Variants in RIMS2 observed in about 807,000 individuals in gnomAD.
RIMS2 encodes regulating synaptic membrane exocytosis 2, also known as regulating synaptic membrane exocytosis protein 2.
A neutral mutation model predicts 174.4 loss-of-function variants in RIMS2; 59 were observed. The ratio of observed to expected loss-of-function variants is 0.34; its 90% CI spans 0.27 to 0.42. RIMS2 has a LOEUF of 0.42. Among genes scored for constraint, RIMS2 ranks in the 10% least tolerant of loss-of-function variants. The pLI, the probability that RIMS2 is intolerant of heterozygous loss-of-function variation, is 1.00. For missense variants in RIMS2, 1,620 were observed against 1,666.3 expected, an observed-to-expected ratio of 0.97 and a Z score of 0.48; for synonymous variants, 606 against 572.5, an observed-to-expected ratio of 1.06 and a Z score of -0.84.
chr8:104,035,577 T>C (rs957642306), intron 19 of RIMS2, among the ~76,000 whole-genome samples: 1 of 151,986 alleles, frequency 6.6e-6, no homozygotes, highest in East Asian at 1.9e-4. Flanking sequence ...AAAGTAAATA[T>C]TCAATTAAGT....
chr8:104,241,391 T>G (rs2099293529), intron 19 of RIMS2, among the ~76,000 whole-genome samples: 1 of 152,164 alleles, frequency 6.6e-6, no homozygotes. Flanking sequence ...AAGCAACCTG[T>G]AAACAAAAAA....
At chr8:104,187,138 G>A (rs1332376011) in intron 19 of RIMS2, among the ~76,000 whole-genome samples, 2 of 151,780 alleles carry the variant, frequency 1.3e-5, no homozygotes, top group African/African-American at 2.4e-5. Flanking sequence ...TTTTGGAGAT[G>A]AGGTAATCTA....
intron 1 of RIMS2, among the ~76,000 whole-genome samples, chr8:103,577,788 G>T (rs944080993): frequency 6.6e-6 from 1 of 152,078 alleles, no homozygotes; most frequent in Non-Finnish European, 1.5e-5. Flanking sequence ...AGAAACCTTG[G>T]ACCTGAGAAA....
intron 19 of RIMS2, among the ~76,000 whole-genome samples, chr8:104,076,248 T>G (rs2154562342): frequency 6.6e-6 from 1 of 152,288 alleles, no homozygotes; most frequent in South Asian, 2.1e-4. Flanking sequence ...AGAGTCATAG[T>G]TCAGAATGAA....
intron 1 of RIMS2, among the ~76,000 whole-genome samples, chr8:103,681,868 T>C (rs2096884430): frequency 1.3e-5 from 2 of 152,016 alleles, no homozygotes. Flanking sequence ...TTCTCTAGAT[T>C]AGGTGGGAAT....
rs1262717197 is a variant in RIMS2 at position 103,608,286 on chromosome 8, G to A, written c.177-88800G>A. On this transcript the variant is annotated intron_variant, in intron 1 of 23. Coordinates refer to ENST00000504942, the Ensembl canonical transcript of RIMS2. ...TGAGGTGTCAATCTGCCCCTGCTGG[G>A]GGGTGCCTCCCAGTTAGGCTGCTCG... 1.4e-5 allele frequency among the ~76,000 whole-genome samples: 2 copies of A among 143,362 alleles called. 1 individual carries two copies. The highest frequency in any genetic ancestry group is 4.3e-4 in the South Asian group (2 of 4,680). The allele number at this position is 143,362 out of a possible 152,430, so 94.1% of individuals were successfully genotyped here. A position where few individuals can be genotyped will look rare whatever the true frequency, so the allele number is the denominator to read the frequency against.
chr8:104,146,213 A>AAAAC, intron 19 of RIMS2, among the ~76,000 whole-genome samples: 1 of 149,438 alleles, frequency 6.7e-6, no homozygotes, highest in Non-Finnish European at 1.5e-5. Flanking sequence ...CCAAAAAAAA[A>AAAAC]AAAAAAAAAA....
chr8:103,892,124 T>G (rs982534955), intron 4 of RIMS2, among the ~76,000 whole-genome samples: 1 of 152,004 alleles, frequency 6.6e-6, no homozygotes, highest in African/African-American at 2.4e-5. Flanking sequence ...ATCTAAGGAA[T>G]TCTAAACCAA....
intron 2 of RIMS2, among the ~76,000 whole-genome samples, chr8:103,742,864 G>C (rs2097774365): frequency 6.6e-6 from 1 of 152,120 alleles, no homozygotes; most frequent in Admixed American, 6.5e-5. Context: ...TTATATATCT[G>C]AGGACATTAT....
At chr8:103,734,123 C>T (rs28697136) in intron 2 of RIMS2, among the ~76,000 whole-genome samples, 1,732 of 146,476 alleles carry the variant, frequency 0.012, 31 homozygotes, top group African/African-American at 0.04. Flanking sequence ...ATCAATTCTC[C>T]TCCCTCAGCC....
At chr8:103,606,960 G>A (rs1278386245) in intron 1 of RIMS2, among the ~76,000 whole-genome samples, 2 of 151,900 alleles carry the variant, frequency 1.3e-5, no homozygotes, top group Non-Finnish European at 2.9e-5. Flanking sequence ...TATCCAATTT[G>A]CCAGTCTGTG....
intron 2 of RIMS2, among the ~76,000 whole-genome samples, chr8:103,764,530 A>G (rs761415131): frequency 7.9e-5 from 12 of 152,142 alleles, no homozygotes; most frequent in Non-Finnish European, 1.5e-4. Context: ...TCATTTTTTG[A>G]GACTGTTGAT....
chr8:103,553,437 G>T (rs1401429353), intron 1 of RIMS2, among the ~76,000 whole-genome samples: 1 of 151,926 alleles, frequency 6.6e-6, no homozygotes, highest in South Asian at 2.1e-4. Context: ...CAAACACTGG[G>T]ACCTGTCATG....
At chr8:103,603,786 T>G (rs1251170194) in intron 1 of RIMS2, among the ~76,000 whole-genome samples, 2 of 149,182 alleles carry the variant, frequency 1.3e-5, no homozygotes, top group Non-Finnish European at 3.0e-5. Context: ...TTTGGCTGCA[T>G]AAATGTCTTC....
rs570210310 is a variant in RIMS2, at chr8:103,581,779, C to T, written c.176+80717C>T. 2.0e-5 allele frequency among the ~76,000 whole-genome samples: 3 copies of T among 152,236 alleles called. No homozygotes were observed. The South Asian group carries it at 6.2e-4, about 32-fold the overall frequency. ...GATAGAAGCCTCCACCAATCATCTCCCCCATAAGGATACCTCACCACCAAA... is the reference window on the plus strand; with the variant it reads ...GATAGAAGCCTCCACCAATCATCTCTCCCATAAGGATACCTCACCACCAAA... On this transcript the variant is annotated intron_variant, in intron 1 of 23. Transcript: ENST00000504942.
At chr8:103,874,078 T>C (rs2099124519) in intron 3 of RIMS2, among the ~76,000 whole-genome samples, 1 of 152,092 alleles carries the variant, frequency 6.6e-6, no homozygotes, top group South Asian at 2.1e-4. Context: ...ACCTAATTTC[T>C]TTATTTCTAT....
intron 19 of RIMS2, among the ~76,000 whole-genome samples, chr8:104,077,910 A>G (rs192170348): frequency 1.7e-4 from 26 of 151,968 alleles, no homozygotes; most frequent in Non-Finnish European, 2.8e-4. Flanking sequence ...CGGGAGGCCA[A>G]GGCAGGTGGA....
chr8:103,876,122 T>C (rs2099135479), intron 3 of RIMS2, among the ~76,000 whole-genome samples: 1 of 152,028 alleles, frequency 6.6e-6, no homozygotes. Flanking sequence ...TTAAGTCTTA[T>C]TTATTTTTGC....
At chr8:104,179,420 G>A (rs1273591770) in intron 19 of RIMS2, among the ~76,000 whole-genome samples, 1 of 151,752 alleles carries the variant, frequency 6.6e-6, no homozygotes, top group Non-Finnish European at 1.5e-5. Flanking sequence ...TCCTGGATTT[G>A]TACAGAAAAA....
Sources: gnomAD v4.1 joint callset for allele counts (sites outside exome capture counted in the v4.1 genomes callset) on GRCh38, gnomAD v4.1.1 for gene constraint, MANE v1.5 for transcripts, NCBI Gene and HGNC (gene_info 2026-07-23, HGNC 2026-07-21) for gene names.